Variants in CNR2 observed in about 807,000 individuals in gnomAD.
CNR2 encodes cannabinoid receptor 2, also known as cannabinoid receptor 2 (macrophage).
For missense variants in CNR2, 379 were observed against 439.9 expected, an observed-to-expected ratio of 0.86 and a Z score of 1.24; for synonymous variants, 172 against 182.2, an observed-to-expected ratio of 0.94 and a Z score of 0.45.
chr1:23,889,924 A>G (rs939314603), intron 1 of CNR2, among the ~76,000 whole-genome samples: 5 of 152,196 alleles, frequency 3.3e-5, no homozygotes, highest in Non-Finnish European at 7.3e-5. Context: ...GGTTTACAGT[A>G]GGTATCTAAT....
intron 1 of CNR2, chr1:23,902,363 C>T: frequency 2.5e-6 from 4 of 1,583,692 alleles, no homozygotes; most frequent in South Asian, 1.1e-5. Context: ...TCTGGGACAG[C>T]AGGACGCAGG....
At chr1:23,884,476 T>C (rs530594261) in intron 1 of CNR2, among the ~76,000 whole-genome samples, 1 of 149,950 alleles carries the variant, frequency 6.7e-6, no homozygotes, top group African/African-American at 2.5e-5. Flanking sequence ...TAGCTAATTT[T>C]TGTATTTTTA....
intron 1 of CNR2, among the ~76,000 whole-genome samples, chr1:23,884,212 T>G (rs1038738506): frequency 2.0e-5 from 3 of 150,874 alleles, no homozygotes; most frequent in Non-Finnish European, 3.0e-5. Flanking sequence ...CCCGAGTAGC[T>G]GGGATTACAG....
chr1:23,891,860 A>G (rs1445151431), intron 1 of CNR2, among the ~76,000 whole-genome samples: 1 of 152,002 alleles, frequency 6.6e-6, no homozygotes, highest in Non-Finnish European at 1.5e-5. Flanking sequence ...CACTTGCTCA[A>G]AAAAGTGTCT....
chr1:23,906,736 G>T (rs1640492248), intron 1 of CNR2, among the ~76,000 whole-genome samples: 1 of 151,500 alleles, frequency 6.6e-6, no homozygotes, highest in Non-Finnish European at 1.5e-5. Flanking sequence ...GATAAAATAG[G>T]TTTCATTTAG....
At chr1:23,889,113 A>G (rs904882096) in intron 1 of CNR2, among the ~76,000 whole-genome samples, 1 of 152,194 alleles carries the variant, frequency 6.6e-6, no homozygotes, top group African/African-American at 2.4e-5. Context: ...GGCTGGTGTT[A>G]GGGGCTGCAG....
At chr1:23,888,467 C>A (rs1330892577) in intron 1 of CNR2, among the ~76,000 whole-genome samples, 1 of 152,074 alleles carries the variant, frequency 6.6e-6, no homozygotes, top group Non-Finnish European at 1.5e-5. Context: ...ATGGGAGTAT[C>A]GGTCCTTTCG....
rs1267816152 is a variant in CNR2, at chr1:23,870,558, G to A, written c.*3977C>T. 1 of 152,164 alleles carries A rather than the reference G, an allele frequency of 6.6e-6. No individual in the cohort carries two copies. Among genetic ancestry groups the A allele is most frequent in the African/African-American group, 2.4e-5 (1 of 41,432 alleles). 9.4% of individuals were successfully genotyped at this position (152,164 alleles called of 1,614,324 possible). A position where few individuals can be genotyped will look rare whatever the true frequency, so the allele number is the denominator to read the frequency against. On this transcript the variant is annotated 3_prime_UTR_variant, in exon 2 of 2. Transcript: ENST00000374472. ...GCATAGTGGTCTTTAATGTTACAGA[G>A]CTTGTCTTGGGGAAGATAAAATGGG...
intron 1 of CNR2, chr1:23,901,685 G>A (rs935250522): frequency 2.7e-5 from 39 of 1,451,924 alleles, no homozygotes; most frequent in African/African-American, 5.6e-5. Context: ...AAACCAGACC[G>A]GGAAGGTGTT....
chr1:23,875,719 C>T, intron 1 of CNR2, 57 bp from the exon 2 acceptor site: 1 of 1,377,812 alleles, frequency 7.3e-7, no homozygotes, highest in Non-Finnish European at 9.8e-7. Context: ...AGAATGACCT[C>T]ACCTGATAAC....
chr1:23,898,050 G>A (rs952903118), intron 1 of CNR2, among the ~76,000 whole-genome samples: 3 of 151,394 alleles, frequency 2.0e-5, no homozygotes, highest in Non-Finnish European at 4.4e-5. Context: ...TTTTTGAGAT[G>A]GAGTCTCACT....
At chr1:23,899,681 G>T (rs1046991686) in intron 1 of CNR2, among the ~76,000 whole-genome samples, 15 of 148,446 alleles carry the variant, frequency 1.0e-4, no homozygotes, top group Admixed American at 6.9e-5. Flanking sequence ...CAGGTGTGGT[G>T]GTGCATGCTG....
At chr1:23,904,763 G>A (rs995019464) in intron 1 of CNR2, among the ~76,000 whole-genome samples, 2 of 152,194 alleles carry the variant, frequency 1.3e-5, no homozygotes, top group Non-Finnish European at 2.9e-5. Context: ...TTCATACAAA[G>A]TAAGGCATTA....
At chr1:23,876,611 G>A (rs967204655) in intron 1 of CNR2, among the ~76,000 whole-genome samples, 29 of 151,972 alleles carry the variant, frequency 1.9e-4, no homozygotes, top group African/African-American at 6.3e-4. Context: ...TAAGGAAGGC[G>A]GATCATGAGG....
chr1:23,883,254 G>A (rs1303204161), intron 1 of CNR2, among the ~76,000 whole-genome samples: 5 of 152,222 alleles, frequency 3.3e-5, no homozygotes, highest in Non-Finnish European at 7.3e-5. Flanking sequence ...CTCTCATTGC[G>A]ATGGGGGTGT....
At chr1:23,877,593 G>T (rs1200096677) in intron 1 of CNR2, among the ~76,000 whole-genome samples, 1 of 151,488 alleles carries the variant, frequency 6.6e-6, no homozygotes, top group East Asian at 2.0e-4. Context: ...CGAGAGCCGA[G>T]ATGGCGCCAC....
At chr1:23,900,529 A>G (rs1374872771) in intron 1 of CNR2, among the ~76,000 whole-genome samples, 1 of 136,722 alleles carries the variant, frequency 7.3e-6, no homozygotes, top group African/African-American at 2.8e-5. Context: ...TTTTTTTGAG[A>G]CAGTTTCACT....
At chr1:23,903,612 C>T (rs1265016729) in intron 1 of CNR2, among the ~76,000 whole-genome samples, 1 of 150,534 alleles carries the variant, frequency 6.6e-6, no homozygotes, top group Non-Finnish European at 1.5e-5. Flanking sequence ...TTTTAACGTG[C>T]GTCAGTAAGA....
At chr1:23,882,544 A>G (rs12741866) in intron 1 of CNR2, among the ~76,000 whole-genome samples, 110,203 of 151,364 alleles carry the variant, frequency 0.73, 40,826 homozygotes, top group Middle Eastern at 0.8. Context: ...GGTGGCTTAC[A>G]CCTGTAATCC....
Sources: allele counts gnomAD v4.1 joint callset (sites outside exome capture counted in the v4.1 genomes callset), GRCh38; gene constraint gnomAD v4.1.1; transcripts MANE v1.5; gene names NCBI Gene and HGNC (gene_info 2026-07-23, HGNC 2026-07-21).